The following ANKS1B variants were observed in gnomAD, a reference collection of about 807,000 sequenced individuals.
The protein encoded by ANKS1B is ankyrin repeat and sterile alpha motif domain containing 1B.
A neutral mutation model predicts 148.3 loss-of-function variants in ANKS1B; 36 were observed. The observed-to-expected ratio is 0.24, with a 90% CI of 0.19 to 0.32. The LOEUF is 0.32. Ranked by LOEUF, ANKS1B falls within the 10% of genes least tolerant of loss-of-function variation. ANKS1B has a pLI of 1.00. For missense variants in ANKS1B, 1,157 were observed against 1,542.6 expected (o/e 0.75, Z 4.19); for synonymous variants, 542 against 560.8 (o/e 0.97, Z 0.47).
Position 99,194,049 on chromosome 12 carries a change from C to G in ANKS1B, c.2420-39654G>C, listed in dbSNP as rs150895798. Among the ~76,000 whole-genome samples, 241 of 152,084 alleles carry G rather than the reference C, an allele frequency of 1.6e-3. 3 individuals carry two copies. In the East Asian group the frequency reaches 0.043, roughly 27 times the overall value. On this transcript the variant is annotated intron_variant, in intron 14 of 26. Transcript: ENST00000683438. ...TCTCTTTACCTCGTGATCCGCCCGC[C>G]TCAGCCTCTCAAAGTGCTGGGATTA...
chr12:99,833,144 T>G (rs1274582733), intron 1 of ANKS1B, among the ~76,000 whole-genome samples: 2 of 152,230 alleles, frequency 1.3e-5, no homozygotes, highest in African/African-American at 2.4e-5. Flanking sequence ...TATCATGAAT[T>G]TCTTTAAGGA....
intron 14 of ANKS1B, among the ~76,000 whole-genome samples, chr12:99,215,785 G>A (rs1045502495): frequency 6.6e-6 from 1 of 152,200 alleles, no homozygotes; most frequent in Non-Finnish European, 1.5e-5. Flanking sequence ...GATTTTATGG[G>A]CTCATGGGCA....
rs138537668 is a variant in ANKS1B at position 98,961,036 on chromosome 12, A to G, written c.2778+92121T>C. ...TGTGGAAAATATCCTCAAAAGGGCA[A>G]GTGTAAGTGTTATTGGCCCTAAAGA... On this transcript the variant is annotated intron_variant, in intron 17 of 26. Transcript: ENST00000683438. Among the ~76,000 whole-genome samples the G allele has an allele frequency of 4.0e-3, 607 of 152,340 alleles. 2 individuals carry two copies. The highest frequency in any genetic ancestry group is 0.01 in the Middle Eastern group (3 of 294).
intron 17 of ANKS1B, among the ~76,000 whole-genome samples, chr12:98,984,889 T>C (rs1162340410): frequency 1.3e-5 from 2 of 152,130 alleles, no homozygotes; most frequent in Non-Finnish European, 2.9e-5. Context: ...TGTGTGCCTA[T>C]AGTCTCAGCT....
At chr12:99,445,414 A>G (rs184525313) in intron 10 of ANKS1B, among the ~76,000 whole-genome samples, 1 of 152,026 alleles carries the variant, frequency 6.6e-6, no homozygotes, top group Non-Finnish European at 1.5e-5. Context: ...TATTATATTT[A>G]ACAGTATAAT....
chr12:99,617,478 C>G (rs550073058), intron 9 of ANKS1B, among the ~76,000 whole-genome samples: 2 of 151,268 alleles, frequency 1.3e-5, no homozygotes, highest in South Asian at 4.2e-4. Flanking sequence ...GAGTTCTTGT[C>G]CTTTGCAGGG....
intron 9 of ANKS1B, among the ~76,000 whole-genome samples, chr12:99,516,325 T>C (rs1480547892): frequency 2.0e-5 from 3 of 152,122 alleles, no homozygotes; most frequent in African/African-American, 7.2e-5. Context: ...CATTTGATAT[T>C]TGTATATGGG....
chr12:99,121,575 A>G (rs7965982), intron 15 of ANKS1B, among the ~76,000 whole-genome samples: 101,587 of 151,836 alleles, frequency 0.67, 34,254 homozygotes, highest in East Asian at 0.89. Context: ...AAAATGTGGC[A>G]TATGGCCTGA....
chr12:98,746,805 C>T (rs1012442024), intron 26 of ANKS1B, among the ~76,000 whole-genome samples: 1 of 152,182 alleles, frequency 6.6e-6, no homozygotes, highest in African/African-American at 2.4e-5. Context: ...TGCCTGAAGA[C>T]AGGAGGAGGG....
intron 15 of ANKS1B, among the ~76,000 whole-genome samples, chr12:99,115,613 A>G (rs1183592254): frequency 9.1e-6 from 1 of 110,168 alleles, no homozygotes; most frequent in Non-Finnish European, 2.1e-5. Context: ...GTACCCCACA[A>G]CCTAAAATAA....
intron 8 of ANKS1B, among the ~76,000 whole-genome samples, chr12:99,681,492 G>A (rs1485894233): frequency 1.3e-5 from 2 of 152,174 alleles, no homozygotes; most frequent in African/African-American, 2.4e-5. Flanking sequence ...TGAGAGAACT[G>A]AAAATGGATC....
At chr12:99,942,246 T>C (rs370351882) in intron 1 of ANKS1B, among the ~76,000 whole-genome samples, 1 of 152,114 alleles carries the variant, frequency 6.6e-6, no homozygotes, top group African/African-American at 2.4e-5. Flanking sequence ...CAACAATAAG[T>C]GTTTCCAGAA....
chr12:99,545,479 T>C (rs1172325238), intron 9 of ANKS1B, among the ~76,000 whole-genome samples: 1 of 152,072 alleles, frequency 6.6e-6, no homozygotes, highest in Non-Finnish European at 1.5e-5. Flanking sequence ...GTTTTGTTTG[T>C]TTGTTTAGGT....
intron 17 of ANKS1B, among the ~76,000 whole-genome samples, chr12:99,045,321 T>C (rs1273136909): frequency 6.6e-6 from 1 of 152,184 alleles, no homozygotes; most frequent in Admixed American, 6.5e-5. Context: ...TGGCTAGAAA[T>C]AGCTGTGTAG....
chr12:99,858,871 C>T (rs1400220175), intron 1 of ANKS1B, among the ~76,000 whole-genome samples: 1 of 151,894 alleles, frequency 6.6e-6, no homozygotes, highest in Non-Finnish European at 1.5e-5. Context: ...TTTGGGAACT[C>T]GGGGAAAGAG....
chr12:99,414,741 T>C (rs920831958), intron 11 of ANKS1B, among the ~76,000 whole-genome samples: 16 of 152,160 alleles, frequency 1.1e-4, no homozygotes. Flanking sequence ...AAATGATGTG[T>C]TGATGGGTGC....
At chr12:99,892,070 C>G (rs567925323) in intron 1 of ANKS1B, among the ~76,000 whole-genome samples, 6 of 152,300 alleles carry the variant, frequency 3.9e-5, no homozygotes, top group Non-Finnish European at 7.4e-5. Flanking sequence ...GTGGCATGAT[C>G]TCGGCTCACT....
intron 11 of ANKS1B, among the ~76,000 whole-genome samples, chr12:99,411,681 T>G (rs779259668): frequency 6.6e-6 from 1 of 152,226 alleles, no homozygotes; most frequent in Non-Finnish European, 1.5e-5. Context: ...ATTTGAAATG[T>G]CACCTTTATC....
intron 12 of ANKS1B, among the ~76,000 whole-genome samples, chr12:99,311,035 C>T (rs2083077158): frequency 6.6e-6 from 1 of 152,100 alleles, no homozygotes; most frequent in African/African-American, 2.4e-5. Context: ...TAGTAGGACG[C>T]CTGACCATAA....
Sources: gnomAD v4.1 joint callset for allele counts (sites outside exome capture counted in the v4.1 genomes callset) on GRCh38, gnomAD v4.1.1 for gene constraint, MANE v1.5 for transcripts, NCBI Gene and HGNC (gene_info 2026-07-23, HGNC 2026-07-21) for gene names.